Variants in MARCHF4 observed in about 807,000 individuals in gnomAD.
MARCHF4 encodes the protein E3 ubiquitin-protein ligase MARCHF4.
A neutral mutation model predicts 43.9 loss-of-function variants in MARCHF4; 14 were observed. The observed-to-expected ratio is 0.32, with a 90% CI of 0.21 to 0.50. The LOEUF is 0.50. Among genes scored for constraint, MARCHF4 ranks in the 20% least tolerant of loss-of-function variants. The probability of loss-of-function intolerance (pLI) is 0.98; values close to 1 mark genes in which losing one functional copy is unlikely to be tolerated. For synonymous variants in MARCHF4, 226 were observed against 213.3 expected, an observed-to-expected ratio of 1.06 and a Z score of -0.52; for missense variants, 468 against 536.7, an observed-to-expected ratio of 0.87 and a Z score of 1.27.
At chr2:216,292,615 G>A (rs773042491) in intron 1 of MARCHF4, among the ~76,000 whole-genome samples, 5 of 152,186 alleles carry the variant, frequency 3.3e-5, no homozygotes, top group Non-Finnish European at 7.3e-5. Context: ...CTACATTTGA[G>A]GAACCAGCTA....
intron 1 of MARCHF4, among the ~76,000 whole-genome samples, chr2:216,329,020 G>C (rs547869558): frequency 6.6e-6 from 1 of 152,004 alleles, no homozygotes; most frequent in African/African-American, 2.4e-5. Context: ...ACGAAATTCC[G>C]TCTCAGAAAA....
Position 216,372,097 on chromosome 2 carries a change from TA to T in MARCHF4, c.-1838del, listed in dbSNP as rs1201125383. ...AAACCGTATATAAATATATCTCTTA[TA>T]AAAGCCGAGAGGAAGCAAATCAGAT... On this transcript the variant is annotated 5_prime_UTR_variant, in exon 1 of 4. Coordinates refer to ENST00000273067, the MANE Select transcript of MARCHF4 (RefSeq NM_020814.3). 1.3e-5 allele frequency: 2 copies of T among 152,218 alleles called. No individual in the cohort carries two copies. The highest frequency in any genetic ancestry group is 2.9e-5 in the Non-Finnish European group (2 of 68,088). The allele number at this position is 152,218 out of a possible 1,614,324, so 9.4% of individuals were successfully genotyped here.
chr2:216,292,597 C>T (rs929227234), intron 1 of MARCHF4, among the ~76,000 whole-genome samples: 1 of 152,192 alleles, frequency 6.6e-6, no homozygotes, highest in Non-Finnish European at 1.5e-5. Flanking sequence ...TGTAACACTT[C>T]TTGGACTCTA....
chr2:216,364,577 T>C (rs564757364), intron 1 of MARCHF4, among the ~76,000 whole-genome samples: 5 of 152,342 alleles, frequency 3.3e-5, no homozygotes, highest in Non-Finnish European at 7.4e-5. Flanking sequence ...CAGACAGCCA[T>C]GAACTTGCTC....
chr2:216,280,848 G>A (rs777191749), intron 2 of MARCHF4, among the ~76,000 whole-genome samples: 3 of 152,018 alleles, frequency 2.0e-5, no homozygotes, highest in Non-Finnish European at 4.4e-5. Flanking sequence ...ACACTGACTG[G>A]CCCCTAATAA....
intron 3 of MARCHF4, among the ~76,000 whole-genome samples, chr2:216,275,836 G>A (rs4674070): frequency 3.2e-4 from 48 of 152,286 alleles, no homozygotes; most frequent in African/African-American, 1.2e-3. Context: ...CTGAGCAGGC[G>A]TTTTGAGATG....
Position 216,259,350 on chromosome 2 carries a change from T to G in MARCHF4, c.1195A>C (p.Ser399Arg). 1.9e-6 allele frequency: 3 copies of G among 1,578,820 alleles called. No homozygotes were observed. The highest frequency in any genetic ancestry group is 2.6e-6 in the Non-Finnish European group (3 of 1,159,614). The change falls in exon 4 of 4, where the codon AGC becomes CGC. Residue 399 changes from serine (S) to arginine (R), a missense_variant. This residue lies in a region of MARCHF4 where 120 missense variants were observed against 127.1 expected (regional missense o/e 0.94). Coordinates refer to ENST00000273067, the MANE Select transcript of MARCHF4 (RefSeq NM_020814.3). The stretch of plus-strand genomic sequence containing the variant: ...ACTCTCATGACCAGCTCTCGGCTGC[T>G]GCCTGGGGGACTTCGCTGTTCATGA... ...RPHEQRSPPG[S>R]SRELVMRVTT...
intron 1 of MARCHF4, among the ~76,000 whole-genome samples, chr2:216,338,460 CT>C (rs1448932938): frequency 3.3e-5 from 5 of 152,192 alleles, no homozygotes. Context: ...GGCTGTTTGC[CT>C]CCTTGGTTCC....
At chr2:216,354,906 T>TCTTTCTTTCTTTCTTC (rs1692462504) in intron 1 of MARCHF4, among the ~76,000 whole-genome samples, 4 of 69,422 alleles carry the variant, frequency 5.8e-5, no homozygotes, top group South Asian at 6.3e-4. Flanking sequence ...TTTCTTTCTT[T>TCTTTCTTTCTTTCTTC]CTTTCTTTCT....
chr2:216,261,739 T>C (rs1041094969), intron 3 of MARCHF4, among the ~76,000 whole-genome samples: 4 of 152,148 alleles, frequency 2.6e-5, no homozygotes, highest in African/African-American at 9.7e-5. Flanking sequence ...GAGGTAGAAC[T>C]TGAAGACTTG....
intron 2 of MARCHF4, among the ~76,000 whole-genome samples, chr2:216,281,555 G>T (rs1362669304): frequency 1.3e-5 from 2 of 152,246 alleles, no homozygotes; most frequent in Non-Finnish European, 2.9e-5. Flanking sequence ...TAGTAGCCCA[G>T]AAGTTGCCCA....
intron 1 of MARCHF4, among the ~76,000 whole-genome samples, chr2:216,300,357 T>C (rs1397329358): frequency 7.0e-6 from 1 of 143,272 alleles, no homozygotes; most frequent in Admixed American, 6.8e-5. Flanking sequence ...TATGTATATA[T>C]ATATATATAT....
chr2:216,298,035 C>A (rs935876298), intron 1 of MARCHF4, among the ~76,000 whole-genome samples: 1 of 152,176 alleles, frequency 6.6e-6, no homozygotes, highest in Non-Finnish European at 1.5e-5. Context: ...GATAGTTAAA[C>A]AAGCAATCAG....
At chr2:216,291,280 G>C (rs1691304084) in intron 1 of MARCHF4, among the ~76,000 whole-genome samples, 1 of 152,180 alleles carries the variant, frequency 6.6e-6, no homozygotes, top group Admixed American at 6.5e-5. Context: ...GTCAAGTGCT[G>C]CTGATGGGAA....
chr2:216,262,514 A>G (rs1690757763), intron 3 of MARCHF4, among the ~76,000 whole-genome samples: 1 of 152,202 alleles, frequency 6.6e-6, no homozygotes, highest in Non-Finnish European at 1.5e-5. Context: ...TGAGAGAGTC[A>G]AGGCCAAGTC....
intron 1 of MARCHF4, among the ~76,000 whole-genome samples, chr2:216,300,624 G>A (rs1475660887): frequency 6.6e-6 from 1 of 152,016 alleles, no homozygotes; most frequent in African/African-American, 2.4e-5. Flanking sequence ...GGGATTACAG[G>A]CATGAGCCAC....
intron 1 of MARCHF4, among the ~76,000 whole-genome samples, chr2:216,298,001 TA>T (rs1182670474): frequency 2.0e-5 from 3 of 152,194 alleles, no homozygotes; most frequent in African/African-American, 7.2e-5. Flanking sequence ...TATAACATAT[TA>T]CCTTTTTTAT....
In MARCHF4 at chr2:216,294,637, AC is replaced by A. The variant is rs374725025; in HGVS notation, c.517-10909del. Among the ~76,000 whole-genome samples the A allele has an allele frequency of 3.3e-4, 50 of 152,292 alleles. 2 individuals carry two copies. In the East Asian group the frequency reaches 9.4e-3, roughly 29 times the overall value. On this transcript the variant is annotated intron_variant, in intron 1 of 3. Coordinates refer to ENST00000273067, the MANE Select transcript of MARCHF4 (RefSeq NM_020814.3). Reference sequence around the variant, plus strand: ...TCAGAGTTTGGCATGTGTAAGAATCACCTGGGAGGCTTGTTACGCATTCAGA... The same window carrying A: ...TCAGAGTTTGGCATGTGTAAGAATCACTGGGAGGCTTGTTACGCATTCAGA...
intron 1 of MARCHF4, among the ~76,000 whole-genome samples, chr2:216,309,436 T>C (rs774172231): frequency 3.9e-5 from 6 of 152,174 alleles, no homozygotes; most frequent in Non-Finnish European, 8.8e-5. Flanking sequence ...CCTTTGCTTA[T>C]CCTGTTCAAC....
Sources: allele counts gnomAD v4.1 joint callset (sites outside exome capture counted in the v4.1 genomes callset), GRCh38; gene constraint gnomAD v4.1.1; regional missense constraint gnomAD v4.1.1; transcripts MANE v1.5; gene names NCBI Gene and HGNC (gene_info 2026-07-23, HGNC 2026-07-21).